SYNPR: variants seen among roughly 807,000 people sequenced by gnomAD.
SYNPR encodes synaptoporin.
In SYNPR, 23 loss-of-function variants were observed where a neutral mutation model predicts 32.9. That is an observed-to-expected ratio of 0.70 (90% CI 0.50 to 0.99). The LOEUF is 0.99. Ranked by LOEUF, SYNPR falls within the 50% of genes least tolerant of loss-of-function variation. The pLI is 0.00. For synonymous variants in SYNPR, 146 were observed against 135.9 expected, an observed-to-expected ratio of 1.07 and a Z score of -0.52; for missense variants, 318 against 349.3, an observed-to-expected ratio of 0.91 and a Z score of 0.71.
chr3:63,587,238 T>C (rs1703202269), intron 4 of SYNPR, among the ~76,000 whole-genome samples: 1 of 152,116 alleles, frequency 6.6e-6, no homozygotes, highest in Non-Finnish European at 1.5e-5. Flanking sequence ...ATCATCACGA[T>C]CATTAATGCA....
intron 4 of SYNPR, among the ~76,000 whole-genome samples, chr3:63,585,022 A>G (rs1703158516): frequency 6.6e-6 from 1 of 152,126 alleles, no homozygotes; most frequent in Non-Finnish European, 1.5e-5. Context: ...GCCCTTCTCT[A>G]GGACACATCT....
At chr3:63,301,608 A>G (rs1213724094) in intron 2 of SYNPR, among the ~76,000 whole-genome samples, 4 of 151,972 alleles carry the variant, frequency 2.6e-5, no homozygotes, top group Admixed American at 2.6e-4. Flanking sequence ...ATTCCTCCAC[A>G]AAAGTAAAAG....
At chr3:63,410,016 C>A (rs72883771) in intron 2 of SYNPR, among the ~76,000 whole-genome samples, 6,515 of 147,916 alleles carry the variant, frequency 0.044, 318 homozygotes, top group African/African-American at 0.12. Context: ...GAACCCCATC[C>A]ATTCTTTAGT....
At chr3:63,519,338 T>C (rs1395656534) in intron 3 of SYNPR, among the ~76,000 whole-genome samples, 1 of 152,220 alleles carries the variant, frequency 6.6e-6, no homozygotes, top group Non-Finnish European at 1.5e-5. Context: ...TCTCATCTCT[T>C]CATCTCTAAA....
At chr3:63,418,580 G>A (rs1405283942) in intron 2 of SYNPR, among the ~76,000 whole-genome samples, 2 of 152,166 alleles carry the variant, frequency 1.3e-5, no homozygotes, top group African/African-American at 4.8e-5. Flanking sequence ...AAGAAAAAGA[G>A]GTTTAATGGA....
At chr3:63,238,535 T>C (rs946336900) in intron 1 of SYNPR, among the ~76,000 whole-genome samples, 1 of 152,008 alleles carries the variant, frequency 6.6e-6, no homozygotes, top group African/African-American at 2.4e-5. Context: ...AAACTAGTGG[T>C]AGGGAATGCA....
intron 4 of SYNPR, among the ~76,000 whole-genome samples, chr3:63,575,478 A>G (rs1312060074): frequency 6.6e-6 from 1 of 152,140 alleles, no homozygotes; most frequent in African/African-American, 2.4e-5. Flanking sequence ...TTAGGAACCA[A>G]TTAGAGATTG....
chr3:63,442,832 C>G (rs1700204844), intron 2 of SYNPR, among the ~76,000 whole-genome samples: 2 of 152,152 alleles, frequency 1.3e-5, no homozygotes, highest in Admixed American at 1.3e-4. Context: ...TTATGCATAA[C>G]AGCTATGCAT....
intron 2 of SYNPR, among the ~76,000 whole-genome samples, chr3:63,368,195 G>C (rs914474397): frequency 2.0e-5 from 3 of 152,220 alleles, no homozygotes; most frequent in African/African-American, 7.2e-5. Context: ...GCAAAGCTGA[G>C]AACTATGCAC....
intron 5 of SYNPR, chr3:63,610,426 T>C (rs1209522121): frequency 1.5e-6 from 1 of 677,202 alleles, no homozygotes; most frequent in Non-Finnish European, 2.7e-6. Flanking sequence ...CTTTAGCACA[T>C]CCTAGAAATA....
At position 63,556,612 on chromosome 3, in the gene SYNPR, T is replaced by G; in HGVS notation, c.279T>G (p.Gly93=). 1 of 1,613,850 alleles carries G rather than the reference T, an allele frequency of 6.2e-7. No individual in the cohort carries two copies. Among genetic ancestry groups the G allele is most frequent in the Non-Finnish European group, 8.5e-7 (1 of 1,179,830 alleles). The change falls in exon 4 of 6, where the codon GGT becomes GGG. Residue 93 remains glycine (G), a synonymous_variant. Transcript: ENST00000478300. ...GKERQKLALI[G]DSSSSAEFFV... ...AACGGCAGAAGCTGGCATTGATTGG[T>G]GACTCCTCGTCTTCAGCAGAGTTCT...
At chr3:63,421,404 A>T (rs1559494924) in intron 2 of SYNPR, among the ~76,000 whole-genome samples, 1 of 151,738 alleles carries the variant, frequency 6.6e-6, no homozygotes, top group Admixed American at 6.6e-5. Context: ...ATATCCATAC[A>T]CTGAAAAAAA....
At chr3:63,287,874 T>A (rs2086700797) in intron 2 of SYNPR, among the ~76,000 whole-genome samples, 1 of 152,050 alleles carries the variant, frequency 6.6e-6, no homozygotes, top group African/African-American at 2.4e-5. Flanking sequence ...TGCATGATAA[T>A]GGTGGAGAAC....
rs113986470 is a variant in SYNPR at position 63,411,764 on chromosome 3, T to C, written c.85-69068T>C. The stretch of plus-strand genomic sequence containing the variant: ...GAAGAGGGAAGAATGGAATAAGATC[T>C]GGCTTTGGTGGTACTGGGGAGTCAG... On this transcript the variant is annotated intron_variant, in intron 2 of 5. Coordinates refer to ENST00000478300, the MANE Select transcript of SYNPR (RefSeq NM_001130003.2). 3.9e-5 allele frequency among the ~76,000 whole-genome samples: 6 copies of C among 152,280 alleles called. 1 individual carries two copies. Among genetic ancestry groups the C allele is most frequent in the East Asian group, 1.9e-4 (1 of 5,180 alleles).
At position 63,297,656 on chromosome 3, in the gene SYNPR, G is replaced by A. The variant is rs1354581257; in HGVS notation, c.84+18914G>A. Among the ~76,000 whole-genome samples the A allele has an allele frequency of 3.3e-5, 5 of 152,248 alleles. No homozygotes were observed. In the South Asian group the frequency reaches 6.2e-4, roughly 19 times the overall value. On this transcript the variant is annotated intron_variant, in intron 2 of 5. Coordinates refer to ENST00000478300, the MANE Select transcript of SYNPR (RefSeq NM_001130003.2). ...ATTCTATAATTAGCAAGATAGTCTG[G>A]TAATACTTTAACGGTTATCTTTAAG...
the SYNPR span, among the ~76,000 whole-genome samples, chr3:63,201,412 A>G: frequency 6.6e-6 from 1 of 152,094 alleles, no homozygotes; most frequent in Non-Finnish European, 1.5e-5. Flanking sequence ...GTACAGAATC[A>G]TGTCTGCAAA....
At chr3:63,257,302 T>A (rs1335817259) in intron 2 of SYNPR, among the ~76,000 whole-genome samples, 2 of 152,098 alleles carry the variant, frequency 1.3e-5, no homozygotes, top group African/African-American at 2.4e-5. Flanking sequence ...GAAAAAATGT[T>A]AAGGGCAGCC....
chr3:63,247,341 A>C (rs1242370351), intron 1 of SYNPR, among the ~76,000 whole-genome samples: 2 of 152,038 alleles, frequency 1.3e-5, no homozygotes, highest in East Asian at 3.9e-4. Context: ...TAGGAAATTA[A>C]ATAAAATCAG....
At chr3:63,464,074 A>C (rs976986390) in intron 2 of SYNPR, among the ~76,000 whole-genome samples, 7 of 152,142 alleles carry the variant, frequency 4.6e-5, no homozygotes, top group African/African-American at 1.7e-4. Flanking sequence ...TTTAGAGTAA[A>C]GAAGGGATGC....
Sources: gnomAD v4.1 joint callset for allele counts (sites outside exome capture counted in the v4.1 genomes callset) on GRCh38, gnomAD v4.1.1 for gene constraint, MANE v1.5 for transcripts, NCBI Gene and HGNC (gene_info 2026-07-23, HGNC 2026-07-21) for gene names.